The following ZNF385D variants were observed in gnomAD, a reference collection of about 807,000 sequenced individuals.
ZNF385D encodes the protein zinc finger protein 659.
ZNF385D carries 15 observed loss-of-function variants against 35.8 expected under a neutral mutation model. That is an observed-to-expected ratio of 0.42 (90% CI 0.28 to 0.64). ZNF385D has a LOEUF of 0.64. Among genes scored for constraint, ZNF385D ranks in the 30% least tolerant of loss-of-function variants. The pLI is 0.23. For missense variants in ZNF385D, 474 were observed against 494.6 expected (o/e 0.96, Z 0.39); for synonymous variants, 212 against 186.8 (o/e 1.13, Z -1.10).
At chr3:21,724,477 CAAAAAAAAAAAAAAAAAAA>C (rs200803155) in intron 1 of ZNF385D, among the ~76,000 whole-genome samples, 1,095 of 52,016 alleles carry the variant, frequency 0.021, 23 homozygotes, top group Non-Finnish European at 0.026. Context: ...AATGGAAAGC[CAAAAAAAAAAAAAAAAAAA>C]AAAAAAAAAA....
chr3:22,300,101 A>C (rs989175396), intron 2 of ZNF385D, among the ~76,000 whole-genome samples: 7 of 152,020 alleles, frequency 4.6e-5, no homozygotes, highest in Non-Finnish European at 7.4e-5. Context: ...TACTGGCATA[A>C]AAACCAACAC....
intron 2 of ZNF385D, among the ~76,000 whole-genome samples, chr3:22,290,108 C>A (rs994747700): frequency 6.6e-6 from 1 of 152,032 alleles, no homozygotes; most frequent in African/African-American, 2.4e-5. Flanking sequence ...TATGCTTAGT[C>A]CATTATGCTT....
intron 2 of ZNF385D, among the ~76,000 whole-genome samples, chr3:22,177,811 C>T (rs552507021): frequency 5.9e-5 from 9 of 152,282 alleles, no homozygotes; most frequent in African/African-American, 1.4e-4. Context: ...TCAATTCCCA[C>T]CTATGAGTGA....
chr3:21,545,244 C>T (rs1028944495), intron 3 of ZNF385D, among the ~76,000 whole-genome samples: 4 of 152,136 alleles, frequency 2.6e-5, no homozygotes, highest in Non-Finnish European at 5.9e-5. Flanking sequence ...AGAACTTTAA[C>T]AGGTGCTCTC....
rs942402024 is a variant in ZNF385D at position 21,681,303 on chromosome 3, A to G, written c.23-16275T>C. Among the ~76,000 whole-genome samples, 1,073 of 145,296 alleles carry G rather than the reference A, an allele frequency of 7.4e-3. 15 individuals carry two copies. The highest frequency in any genetic ancestry group is 0.027 in the African/African-American group (1,009 of 37,870). ...ATGTGAATATATTCCATCAGTAAAAAAAAAAAAAAAAAAAAAAAAAACCTA... is the reference window on the plus strand; with the variant it reads ...ATGTGAATATATTCCATCAGTAAAAGAAAAAAAAAAAAAAAAAAAAACCTA... On this transcript the variant is annotated intron_variant, in intron 1 of 7. Transcript: ENST00000281523.
chr3:22,082,669 A>T (rs544948125), intron 3 of ZNF385D, among the ~76,000 whole-genome samples: 70 of 152,274 alleles, frequency 4.6e-4, no homozygotes, highest in Non-Finnish European at 9.1e-4. Flanking sequence ...AGACTTAAAC[A>T]TCCCTGTCTG....
chr3:21,821,781 T>C (rs1170255658), intron 3 of ZNF385D, among the ~76,000 whole-genome samples: 2 of 151,894 alleles, frequency 1.3e-5, no homozygotes, highest in African/African-American at 4.8e-5. Flanking sequence ...AGCAACACAA[T>C]GAGAACCCAT....
At chr3:22,372,178 C>T (rs989410384) in intron 2 of ZNF385D, among the ~76,000 whole-genome samples, 2 of 152,100 alleles carry the variant, frequency 1.3e-5, no homozygotes, top group African/African-American at 4.8e-5. Flanking sequence ...TGACCTGAGA[C>T]CCTCCAGCTC....
intron 3 of ZNF385D, among the ~76,000 whole-genome samples, chr3:22,136,851 A>G (rs1490081987): frequency 3.3e-5 from 5 of 152,202 alleles, no homozygotes; most frequent in Non-Finnish European, 7.3e-5. Context: ...CATACACTGT[A>G]GAATTCCAAC....
At chr3:21,702,753 C>T (rs773560678) in intron 1 of ZNF385D, among the ~76,000 whole-genome samples, 28 of 152,298 alleles carry the variant, frequency 1.8e-4, no homozygotes, top group African/African-American at 6.3e-4. Context: ...CTCTCACGTT[C>T]AAAGTTCCAC....
chr3:22,225,546 A>G (rs1379318191), intron 2 of ZNF385D, among the ~76,000 whole-genome samples: 1 of 152,108 alleles, frequency 6.6e-6, no homozygotes, highest in Non-Finnish European at 1.5e-5. Flanking sequence ...GGGAGGTAAC[A>G]CTGAAGTATG....
chr3:22,124,349 T>C (rs1346011661), intron 3 of ZNF385D, among the ~76,000 whole-genome samples: 2 of 152,190 alleles, frequency 1.3e-5, no homozygotes, highest in African/African-American at 2.4e-5. Flanking sequence ...CTTAGGTTGA[T>C]TCCAATTCAT....
At chr3:21,545,761 C>G (rs1164165060) in intron 3 of ZNF385D, among the ~76,000 whole-genome samples, 2 of 151,626 alleles carry the variant, frequency 1.3e-5, no homozygotes, top group East Asian at 2.0e-4. Flanking sequence ...TGAGACCCTC[C>G]TCTACACAGT....
At chr3:22,367,175 G>A (rs1389660) in intron 2 of ZNF385D, among the ~76,000 whole-genome samples, 110,588 of 152,008 alleles carry the variant, frequency 0.73, 40,400 homozygotes, top group South Asian at 0.86. Flanking sequence ...TAGACTATTC[G>A]AAACACTTTA....
chr3:21,875,102 C>T (rs1193153104), intron 3 of ZNF385D, among the ~76,000 whole-genome samples: 1 of 151,976 alleles, frequency 6.6e-6, no homozygotes, highest in Non-Finnish European at 1.5e-5. Flanking sequence ...ATTTTATGCC[C>T]TGCAACTTTA....
At chr3:21,511,149 A>G (rs1387852904) in intron 3 of ZNF385D, 126 bp from the exon 4 acceptor site, 2 of 1,178,082 alleles carry the variant, frequency 1.7e-6, no homozygotes, top group Non-Finnish European at 2.4e-6. Flanking sequence ...GGCCGTGGCC[A>G]GACAGTGGGG....
At chr3:22,234,540 C>G (rs1394226435) in intron 2 of ZNF385D, among the ~76,000 whole-genome samples, 2 of 151,930 alleles carry the variant, frequency 1.3e-5, no homozygotes, top group Non-Finnish European at 2.9e-5. Context: ...AAAAGCATCC[C>G]ACCATAATCT....
intron 2 of ZNF385D, among the ~76,000 whole-genome samples, chr3:22,284,206 T>C (rs1442705478): frequency 1.3e-5 from 2 of 150,774 alleles, no homozygotes; most frequent in Non-Finnish European, 3.0e-5. Flanking sequence ...TTTGTTTTTG[T>C]TTTTGAGACG....
At chr3:22,026,628 G>T (rs966742835) in intron 3 of ZNF385D, among the ~76,000 whole-genome samples, 1 of 152,186 alleles carries the variant, frequency 6.6e-6, no homozygotes, top group African/African-American at 2.4e-5. Context: ...TGCGTAATTG[G>T]CATAGACATA....
Sources: gnomAD v4.1 joint callset for allele counts (sites outside exome capture counted in the v4.1 genomes callset) on GRCh38, gnomAD v4.1.1 for gene constraint, MANE v1.5 for transcripts, NCBI Gene and HGNC (gene_info 2026-07-23, HGNC 2026-07-21) for gene names.